Variants in GRID2 observed in about 807,000 individuals in gnomAD.
GRID2 encodes glutamate ionotropic receptor delta type subunit 2, also known as glutamate receptor ionotropic, delta-2.
Under a neutral mutation model 114.8 loss-of-function variants are expected in GRID2, and 33 were observed. The observed-to-expected ratio is 0.29, with a 90% CI of 0.22 to 0.38. The LOEUF is 0.38. GRID2 is among the 10% of genes least tolerant of loss of function. The pLI, the probability that GRID2 is intolerant of heterozygous loss-of-function variation, is 1.00. For missense variants in GRID2, 1,184 were observed against 1,257.7 expected, an observed-to-expected ratio of 0.94 and a Z score of 0.89; for synonymous variants, 505 against 449.9, an observed-to-expected ratio of 1.12 and a Z score of -1.55.
chr4:92,985,546 AT>A (rs1197658129), intron 2 of GRID2, among the ~76,000 whole-genome samples: 2 of 152,100 alleles, frequency 1.3e-5, no homozygotes, highest in South Asian at 2.1e-4. Context: ...CGGTAAAAAT[AT>A]TTTTTATATG....
intron 1 of GRID2, among the ~76,000 whole-genome samples, chr4:92,530,524 A>AAAAAAG (rs1553946211): frequency 6.7e-6 from 1 of 150,300 alleles, no homozygotes; most frequent in African/African-American, 2.5e-5. Flanking sequence ...AAAAAAAAAA[A>AAAAAAG]AGAGAGACTT....
At chr4:93,591,713 G>T (rs1489393030) in intron 13 of GRID2, among the ~76,000 whole-genome samples, 1 of 152,076 alleles carries the variant, frequency 6.6e-6, no homozygotes, top group Non-Finnish European at 1.5e-5. Context: ...GTAAGGTATT[G>T]ATTATTGCCA....
intron 2 of GRID2, among the ~76,000 whole-genome samples, chr4:93,067,457 T>A (rs80164277): frequency 0.017 from 2,581 of 152,126 alleles, 82 homozygotes; most frequent in African/African-American, 0.058. Flanking sequence ...GGAAGCTCCA[T>A]CAGGCCTCTA....
chr4:93,343,811 C>T (rs1268621110), intron 8 of GRID2, among the ~76,000 whole-genome samples: 2 of 151,932 alleles, frequency 1.3e-5, no homozygotes, highest in Admixed American at 6.6e-5. Flanking sequence ...TTTAGGTCAT[C>T]GTGCAACATA....
intron 1 of GRID2, among the ~76,000 whole-genome samples, chr4:92,415,686 GTA>G (rs1379842509): frequency 2.0e-5 from 3 of 147,684 alleles, no homozygotes; most frequent in South Asian, 2.1e-4. Context: ...CATGGCGTGT[GTA>G]TGTGTGTGTG....
intron 11 of GRID2, among the ~76,000 whole-genome samples, chr4:93,473,956 G>A (rs1376644702): frequency 6.6e-6 from 1 of 151,914 alleles, no homozygotes; most frequent in Admixed American, 6.6e-5. Flanking sequence ...TGCCTTTTGG[G>A]AAAAGGAAAG....
intron 5 of GRID2, among the ~76,000 whole-genome samples, chr4:93,208,321 C>G (rs1743048630): frequency 6.6e-6 from 1 of 151,906 alleles, no homozygotes; most frequent in African/African-American, 2.4e-5. Flanking sequence ...GCTGTCTTAA[C>G]ATGGATATCA....
intron 13 of GRID2, 70 bp downstream of exon 13, chr4:93,515,481 A>G (rs1393736330): frequency 9.4e-7 from 1 of 1,067,892 alleles, no homozygotes; most frequent in Non-Finnish European, 1.4e-6. Context: ...CGCAGTTGAG[A>G]TTTGTTTTTT....
At chr4:93,619,840 C>T (rs1294272707) in intron 13 of GRID2, among the ~76,000 whole-genome samples, 2 of 152,160 alleles carry the variant, frequency 1.3e-5, no homozygotes, top group South Asian at 2.1e-4. Context: ...TGGCCCTTGC[C>T]GTAAACTACA....
chr4:93,092,425 G>A (rs1268008070), intron 3 of GRID2, among the ~76,000 whole-genome samples: 1 of 152,102 alleles, frequency 6.6e-6, no homozygotes, highest in Admixed American at 6.6e-5. Context: ...TGTGCTTGCA[G>A]TGGGAGTGGA....
chr4:93,610,905 G>C (rs1177360007), intron 13 of GRID2, among the ~76,000 whole-genome samples: 1 of 140,348 alleles, frequency 7.1e-6, no homozygotes, highest in Non-Finnish European at 1.5e-5. Flanking sequence ...GTTCCTCCTT[G>C]TACTTCCGGT....
At chr4:93,064,036 CAT>C (rs1456896275) in intron 2 of GRID2, among the ~76,000 whole-genome samples, 2 of 121,888 alleles carry the variant, frequency 1.6e-5, no homozygotes, top group Non-Finnish European at 3.4e-5. Context: ...CCATGTTTAA[CAT>C]ATTACGCTGT....
intron 2 of GRID2, among the ~76,000 whole-genome samples, chr4:92,988,373 G>A (rs1327903055): frequency 2.6e-5 from 4 of 152,264 alleles, no homozygotes; most frequent in Non-Finnish European, 5.9e-5. Context: ...CTCTAAGGCA[G>A]TTCACTACAT....
rs1447913760 is a variant in GRID2 at position 92,450,996 on chromosome 4, A to G, written c.89-139135A>G. Among the ~76,000 whole-genome samples, 3 of 151,810 alleles carry G rather than the reference A, an allele frequency of 2.0e-5. No individual in the cohort carries two copies. In the East Asian group the frequency reaches 5.8e-4, roughly 29 times the overall value. The stretch of plus-strand genomic sequence containing the variant: ...ACAAAACAAATAGTTGTTTCTATTC[A>G]GTTCACTCATAAAGAAATGTTATTT... On this transcript the variant is annotated intron_variant, in intron 1 of 15. Coordinates refer to ENST00000282020, the MANE Select transcript of GRID2 (RefSeq NM_001510.4).
intron 2 of GRID2, among the ~76,000 whole-genome samples, chr4:92,616,515 T>C (rs1235504999): frequency 6.6e-6 from 1 of 151,670 alleles, no homozygotes; most frequent in Non-Finnish European, 1.5e-5. Context: ...ATGAATTTAA[T>C]ACTAGCTTCT....
intron 1 of GRID2, among the ~76,000 whole-genome samples, chr4:92,486,430 T>G (rs1282027945): frequency 6.6e-6 from 1 of 151,812 alleles, no homozygotes; most frequent in Non-Finnish European, 1.5e-5. Flanking sequence ...ACTTGAAAGT[T>G]TAACATAACT....
intron 14 of GRID2, among the ~76,000 whole-genome samples, chr4:93,735,108 C>G (rs1730811714): frequency 6.6e-6 from 1 of 151,892 alleles, no homozygotes; most frequent in South Asian, 2.1e-4. Flanking sequence ...ATTGTGAAAT[C>G]AAAACCCAGG....
At chr4:93,376,252 C>G (rs1250002871) in intron 8 of GRID2, among the ~76,000 whole-genome samples, 3 of 151,998 alleles carry the variant, frequency 2.0e-5, no homozygotes, top group Non-Finnish European at 4.4e-5. Context: ...AATGACGGAT[C>G]GTATGACTAC....
At chr4:92,856,298 A>T (rs1226375007) in intron 2 of GRID2, among the ~76,000 whole-genome samples, 1 of 152,006 alleles carries the variant, frequency 6.6e-6, no homozygotes, top group Non-Finnish European at 1.5e-5. Context: ...CCCACTATCT[A>T]ATATCAGGCC....
Sources: allele counts gnomAD v4.1 joint callset (sites outside exome capture counted in the v4.1 genomes callset), GRCh38; gene constraint gnomAD v4.1.1; transcripts MANE v1.5; gene names NCBI Gene and HGNC (gene_info 2026-07-23, HGNC 2026-07-21).